The following PAK5 variants were observed in gnomAD, a reference collection of about 807,000 sequenced individuals.
PAK5 encodes serine/threonine-protein kinase PAK 5.
PAK5 carries 16 observed loss-of-function variants against 65.9 expected under a neutral mutation model. The observed-to-expected ratio is 0.24, with a 90% CI of 0.16 to 0.37. PAK5 has a LOEUF of 0.37. PAK5 is among the 10% of genes least tolerant of loss of function. PAK5 has a pLI of 1.00. For synonymous variants in PAK5, 371 were observed against 354.9 expected, an observed-to-expected ratio of 1.05 and a Z score of -0.51; for missense variants, 785 against 903.9, an observed-to-expected ratio of 0.87 and a Z score of 1.69.
chr20:9,661,000 G>C (rs1489942845), intron 2 of PAK5, among the ~76,000 whole-genome samples: 3 of 152,134 alleles, frequency 2.0e-5, no homozygotes, highest in African/African-American at 7.2e-5. Context: ...GTAGCTCTGA[G>C]GGGTGGTGCA....
At chr20:9,774,767 C>A (rs995320657) in intron 1 of PAK5, among the ~76,000 whole-genome samples, 2 of 151,820 alleles carry the variant, frequency 1.3e-5, no homozygotes, top group Non-Finnish European at 2.9e-5. Context: ...CATGGTGAAA[C>A]CCCGTCTCTA....
chr20:9,722,650 A>G (rs2048230753), intron 1 of PAK5, among the ~76,000 whole-genome samples: 1 of 152,166 alleles, frequency 6.6e-6, no homozygotes, highest in Non-Finnish European at 1.5e-5. Context: ...TAAAAAGGCA[A>G]GGTAAGTAGC....
chr20:9,591,337 A>C (rs1011503557), intron 3 of PAK5, among the ~76,000 whole-genome samples: 3 of 152,138 alleles, frequency 2.0e-5, no homozygotes. Context: ...CCTCAACTTC[A>C]ACTCTCAGGA....
intron 1 of PAK5, among the ~76,000 whole-genome samples, chr20:9,774,770 C>T (rs1367839828): frequency 2.0e-5 from 3 of 151,700 alleles, no homozygotes; most frequent in Admixed American, 6.6e-5. Flanking sequence ...GGTGAAACCC[C>T]GTCTCTACTA....
intron 3 of PAK5, among the ~76,000 whole-genome samples, chr20:9,614,077 T>C (rs1428255912): frequency 6.6e-6 from 1 of 152,198 alleles, no homozygotes; most frequent in Non-Finnish European, 1.5e-5. Flanking sequence ...CTATGATTCA[T>C]GTGCTAAGGG....
intron 1 of PAK5, among the ~76,000 whole-genome samples, chr20:9,760,551 G>GAGAAT (rs2048686500): frequency 6.9e-6 from 1 of 145,490 alleles, no homozygotes; most frequent in African/African-American, 2.5e-5. Flanking sequence ...GTTCTCAACA[G>GAGAAT]AGAATTTCAA....
intron 4 of PAK5, chr20:9,575,779 G>A (rs1319778538): frequency 6.6e-6 from 1 of 152,202 alleles, no homozygotes. Context: ...TGGGCCTGGA[G>A]ACTTCATGTC....
chr20:9,791,617 G>T (rs567799951), intron 1 of PAK5, among the ~76,000 whole-genome samples: 1 of 152,126 alleles, frequency 6.6e-6, no homozygotes, highest in South Asian at 2.1e-4. Flanking sequence ...CTCAATGAGA[G>T]CAGTAAATAA....
Position 9,774,794 on chromosome 20 carries a change from A to G in PAK5, c.-161-63359T>C, listed in dbSNP as rs139575084. Among the ~76,000 whole-genome samples the G allele has an allele frequency of 6.1e-4, 93 of 152,214 alleles. 2 individuals are homozygous for G. Among genetic ancestry groups the G allele is most frequent in the African/African-American group, 2.1e-3 (88 of 41,546 alleles). On this transcript the variant is annotated intron_variant, in intron 1 of 9. Transcript: ENST00000353224. ...CCGTCTCTACTAACAAATTAAAAAA[A>G]AAAGAAAGAAAAATAGCCAGGTGTG...
At chr20:9,806,996 C>G (rs924050917) in intron 1 of PAK5, among the ~76,000 whole-genome samples, 9 of 152,026 alleles carry the variant, frequency 5.9e-5, no homozygotes, top group Non-Finnish European at 8.8e-5. Flanking sequence ...GGCTTGTGAC[C>G]TCTTCCCTCA....
intron 2 of PAK5, among the ~76,000 whole-genome samples, chr20:9,688,909 A>G (rs2047755876): frequency 6.6e-6 from 1 of 152,210 alleles, no homozygotes; most frequent in Admixed American, 6.5e-5. Context: ...TAGAAGCCTC[A>G]ATTAATATAA....
chr20:9,599,156 T>G (rs2046319706), intron 3 of PAK5, among the ~76,000 whole-genome samples: 2 of 152,364 alleles, frequency 1.3e-5, no homozygotes, highest in South Asian at 4.1e-4. Flanking sequence ...TCACTTCGCA[T>G]AGTGTTTTCA....
chr20:9,608,370 A>C (rs2046494286), intron 3 of PAK5, among the ~76,000 whole-genome samples: 1 of 152,262 alleles, frequency 6.6e-6, no homozygotes, highest in Admixed American at 6.5e-5. Flanking sequence ...ATTTGAAATA[A>C]TGAAAAGTTA....
intron 3 of PAK5, among the ~76,000 whole-genome samples, chr20:9,636,585 G>C (rs768362861): frequency 5.9e-5 from 9 of 152,112 alleles, no homozygotes; most frequent in Non-Finnish European, 8.8e-5. Flanking sequence ...ATCTTTAAAA[G>C]ATAAAAAGAA....
At chr20:9,714,679 G>A (rs942587046) in intron 1 of PAK5, among the ~76,000 whole-genome samples, 1 of 152,030 alleles carries the variant, frequency 6.6e-6, no homozygotes, top group Admixed American at 6.6e-5. Context: ...AAACAGCATG[G>A]TACTGGTACC....
chr20:9,584,149 A>G (rs2123035817), intron 3 of PAK5, among the ~76,000 whole-genome samples: 1 of 152,260 alleles, frequency 6.6e-6, no homozygotes. Context: ...CTCACCCCAC[A>G]GATTAACTTG....
At chr20:9,689,620 A>G (rs1444798791) in intron 2 of PAK5, among the ~76,000 whole-genome samples, 1 of 152,230 alleles carries the variant, frequency 6.6e-6, no homozygotes, top group African/African-American at 2.4e-5. Context: ...GGACATCTGC[A>G]AATTGGCTTG....
intron 7 of PAK5, among the ~76,000 whole-genome samples, chr20:9,544,756 C>A (rs1214059755): frequency 6.6e-6 from 1 of 152,086 alleles, no homozygotes; most frequent in African/African-American, 2.4e-5. Context: ...AATGATGGAA[C>A]AACAACAAAA....
Position 9,658,132 on chromosome 20 carries a change from C to G in PAK5, c.-11-13793G>C, listed in dbSNP as rs556768760. Among the ~76,000 whole-genome samples, 16 of 152,270 alleles carry G rather than the reference C, an allele frequency of 1.1e-4. No individual in the cohort carries two copies. The South Asian group carries it at 3.1e-3, about 30-fold the overall frequency. ...ATCACTGTTATTTGTTTGTTTAAAA[C>G]TTACTGGGAATTATGAGTAGATTAG... On this transcript the variant is annotated intron_variant, in intron 2 of 9. Transcript: ENST00000353224.
Sources: gnomAD v4.1 joint callset for allele counts (sites outside exome capture counted in the v4.1 genomes callset) on GRCh38, gnomAD v4.1.1 for gene constraint, MANE v1.5 for transcripts, NCBI Gene and HGNC (gene_info 2026-07-23, HGNC 2026-07-21) for gene names.